RIF1: variants seen among roughly 807,000 people sequenced by gnomAD.
RIF1 encodes the protein replication timing regulatory factor 1.
RIF1 carries 45 observed loss-of-function variants against 247.1 expected under a neutral mutation model. The observed-to-expected ratio is 0.18, with a 90% CI of 0.14 to 0.23. The LOEUF is 0.23. Among genes scored for constraint, RIF1 ranks in the 10% least tolerant of loss-of-function variants. The probability of loss-of-function intolerance (pLI) is 1.00; values close to 1 mark genes in which losing one functional copy is unlikely to be tolerated. For synonymous variants in RIF1, 1,087 were observed against 978.8 expected (o/e 1.11, Z -2.06); for missense variants, 2,967 against 2,862.5 (o/e 1.04, Z -0.83).
rs1428401500 is a variant in RIF1, at chr2:151,459,005, T to C, written c.2955+95T>C. 6 of 696,470 alleles carry C rather than the reference T, an allele frequency of 8.6e-6. No homozygotes were observed. In the Admixed American group the frequency reaches 1.6e-4, roughly 18 times the overall value. The allele number at this position is 696,470 out of a possible 1,614,324, so 43.1% of individuals were successfully genotyped here. A position where few individuals can be genotyped will look rare whatever the true frequency, so the allele number is the denominator to read the frequency against. Reference sequence around the variant, plus strand: ...GTAGAACCTGAACAGAAAAGAGTTTTGTAACATAGGCTTTTTCCACATTGT... The same window carrying C: ...GTAGAACCTGAACAGAAAAGAGTTTCGTAACATAGGCTTTTTCCACATTGT... On this transcript the variant is annotated intron_variant, in intron 25 of 35. Transcript: ENST00000444746.
At chr2:151,425,617 T>A (rs895272999) in intron 8 of RIF1, among the ~76,000 whole-genome samples, 5 of 151,660 alleles carry the variant, frequency 3.3e-5, no homozygotes, top group African/African-American at 1.2e-4. Flanking sequence ...TTCCTCAATA[T>A]CTTTTACTGA....
the RIF1 span, among the ~76,000 whole-genome samples, chr2:151,513,323 A>G: frequency 2.6e-5 from 4 of 152,164 alleles, no homozygotes; most frequent in African/African-American, 9.7e-5. Flanking sequence ...CCAGCTCCAA[A>G]CAGCTACTTA....
the RIF1 span, among the ~76,000 whole-genome samples, chr2:151,520,287 A>AAAT: frequency 6.6e-6 from 1 of 152,306 alleles, no homozygotes; most frequent in East Asian, 1.9e-4. Context: ...ACTTGGCCAA[A>AAAT]AATGGTATAA....
chr2:151,497,461 G>GGT, intron 10 of RIF1: 1 of 982,334 alleles, frequency 1.0e-6, no homozygotes. Flanking sequence ...AAATGGGAAT[G>GGT]GTGTTAGGCT....
intron 6 of RIF1, among the ~76,000 whole-genome samples, chr2:151,418,392 A>G (rs902678581): frequency 1.3e-5 from 2 of 152,254 alleles, no homozygotes; most frequent in Non-Finnish European, 1.5e-5. Flanking sequence ...TTTAGCAGAG[A>G]CAGGGTTTTG....
chr2:151,461,749 T>C (rs1430668553), intron 27 of RIF1, among the ~76,000 whole-genome samples: 1 of 152,208 alleles, frequency 6.6e-6, no homozygotes, highest in Non-Finnish European at 1.5e-5. Context: ...TTTCATAATG[T>C]ATAAAGCTAC....
In RIF1 at chr2:151,499,848, G is replaced by A. The variant is rs528756686; in HGVS notation, c.*709+308G>A. On this transcript the variant is annotated intron_variant and NMD_transcript_variant, in intron 11 of 13. Coordinates refer to the RIF1 transcript ENST00000454583. ...TTCAAGTTGTTGTAGAGATGGTCAA[G>A]TATAGAGGTTCAATATGTGGCATTG... 5.9e-5 allele frequency among the ~76,000 whole-genome samples: 9 copies of A among 152,270 alleles called. No individual in the cohort carries two copies. The South Asian group carries it at 1.5e-3, about 25-fold the overall frequency.
rs777392531 is a variant in RIF1, at chr2:151,410,498, G to A, written c.75G>A (p.Gly25=). 9.9e-6 allele frequency: 16 copies of A among 1,613,970 alleles called. 1 individual carries two copies. In the South Asian group the frequency reaches 1.8e-4, roughly 18 times the overall value. The stretch of plus-strand genomic sequence containing the variant: ...AAGACCCTTCTGCCTCCCATGGAGG[G>A]CAGACTGACGCTTACCTGACTCTGA... ...TLEDPSASHG[G]QTDAYLTLTS... Residue 25 remains glycine, a synonymous_variant, in exon 2 of 36, where the codon GGG becomes GGA. Coordinates refer to ENST00000444746, the MANE Select transcript of RIF1 (RefSeq NM_018151.5).
At chr2:151,507,847 T>G (rs2070585173) in exon 14 of RIF1, 2 of 606,680 alleles carry the variant, frequency 3.3e-6, no homozygotes, top group Admixed American at 5.6e-5. Flanking sequence ...AGATACAAGG[T>G]GAGCCCAGAG....
At chr2:151,491,565 G>C (rs1297150201) in intron 9 of RIF1, 1 of 833,098 alleles carries the variant, frequency 1.2e-6, no homozygotes, top group Non-Finnish European at 2.0e-6. Flanking sequence ...TGCCAAATGG[G>C]CAGCTCAGAA....
At chr2:151,485,121 T>G (rs1260279807), downstream of RIF1, among the ~76,000 whole-genome samples, 1 of 152,208 alleles carries the variant, frequency 6.6e-6, no homozygotes, top group Non-Finnish European at 1.5e-5. Flanking sequence ...GCCCTTGAAG[T>G]TAGGATTGGA....
chr2:151,416,943 T>A, intron 6 of RIF1, 42 bp downstream of exon 6: 1 of 1,476,220 alleles, frequency 6.8e-7, no homozygotes. Context: ...ATAGTTTTCA[T>A]AAATTTAGCT....
intron 8 of RIF1, among the ~76,000 whole-genome samples, chr2:151,427,771 AAT>A (rs1211909077): frequency 6.2e-5 from 9 of 145,662 alleles, no homozygotes; most frequent in Non-Finnish European, 1.2e-4. Context: ...CTCTACTAAA[AAT>A]ACAAAAATTA....
chr2:151,414,722 A>T, intron 3 of RIF1, 101 bp from the exon 4 acceptor site: 1 of 709,864 alleles, frequency 1.4e-6, no homozygotes. Context: ...GATTTGTTGG[A>T]GTAACATGAT....
At chr2:151,417,815 A>G (rs546789772) in intron 6 of RIF1, among the ~76,000 whole-genome samples, 4 of 152,334 alleles carry the variant, frequency 2.6e-5, no homozygotes, top group Non-Finnish European at 1.5e-5. Flanking sequence ...AACATTATTA[A>G]GAGGACTTAC....
chr2:151,524,247 T>TC, the RIF1 span: 14 of 1,364,746 alleles, frequency 1.0e-5, no homozygotes, highest in Non-Finnish European at 1.5e-5. Context: ...GGAAATCACT[T>TC]CTTCCTGCAA....
chr2:151,412,224 T>C (rs1686361763), intron 3 of RIF1, among the ~76,000 whole-genome samples: 1 of 151,930 alleles, frequency 6.6e-6, no homozygotes, highest in East Asian at 1.9e-4. Context: ...AATTTCCTTG[T>C]TTTTAGAATG....
the RIF1 span, chr2:151,527,542 T>C: frequency 3.7e-5 from 60 of 1,613,510 alleles, no homozygotes; most frequent in Non-Finnish European, 5.0e-5. Flanking sequence ...AGGAGTCCAC[T>C]TCCAGTGGGC....
chr2:151,493,339 G>A (rs763823282), intron 9 of RIF1: 1 of 1,577,748 alleles, frequency 6.3e-7, no homozygotes, highest in South Asian at 1.1e-5. Context: ...TTTCTTTTTA[G>A]TCCTAGAAAA....
Sources: gnomAD v4.1 joint callset for allele counts (sites outside exome capture counted in the v4.1 genomes callset) on GRCh38, gnomAD v4.1.1 for gene constraint, MANE v1.5 for transcripts, NCBI Gene and HGNC (gene_info 2026-07-23, HGNC 2026-07-21) for gene names.